Variants in DDX5 observed in about 807,000 individuals in gnomAD.
DDX5 encodes the protein DEAD-box helicase 5.
Under a neutral mutation model 68.6 loss-of-function variants are expected in DDX5, and 6 were observed. The ratio of observed to expected loss-of-function variants is 0.09; its 90% CI spans 0.05 to 0.17. DDX5 has a LOEUF of 0.17. DDX5 is among the 10% of genes least tolerant of loss of function. The pLI, the probability that DDX5 is intolerant of heterozygous loss-of-function variation, is 1.00. For synonymous variants in DDX5, 350 were observed against 247.0 expected (o/e 1.42, Z -3.91); for missense variants, 499 against 756.1 (o/e 0.66, Z 3.99).
At position 64,499,761 on chromosome 17, in the gene DDX5, A is replaced by T; in HGVS notation, c.*162T>A. ...AACCTAAAAATTGTTTCAGGAATGT[A>T]GAGAAATATCCAACTTAAATAGCGA... On this transcript the variant is annotated 3_prime_UTR_variant, in exon 13 of 13. Coordinates refer to ENST00000225792, the MANE Select transcript of DDX5 (RefSeq NM_004396.5). 1.7e-6 allele frequency: 1 copy of T among 596,158 alleles called. No homozygotes were observed. The highest frequency in any genetic ancestry group is 2.6e-6 in the Non-Finnish European group (1 of 379,872). The allele number at this position is 596,158 out of a possible 1,614,324, so 36.9% of individuals were successfully genotyped here.
At position 64,499,986 on chromosome 17, in the gene DDX5, T is replaced by C. The variant is rs919597544; in HGVS notation, c.1782A>G (p.Ala594=). 6 of 1,614,008 alleles carry C rather than the reference T, an allele frequency of 3.7e-6. No homozygotes were observed. The highest frequency in any genetic ancestry group is 5.1e-6 in the Non-Finnish European group (6 of 1,179,910). The change falls in exon 13 of 13, where the codon GCA becomes GCG. Residue 594 remains alanine (A), a synonymous_variant. Transcript: ENST00000225792. ...MHNGMNQQAY[A]YPATAAAPMI... The stretch of plus-strand genomic sequence containing the variant: ...TAGGTGCAGCTGCAGTAGCAGGATA[T>C]GCATATGCCTGTTGGTTCATACCAT...
At chr17:64,502,611 CA>C in intron 8 of DDX5, 62 bp from the exon 9 acceptor site, 18 of 1,176,286 alleles carry the variant, frequency 1.5e-5, no homozygotes, top group Non-Finnish European at 2.2e-5. Context: ...TAGGGCCACA[CA>C]TTTATGGTCA....
chr17:64,503,276 C>G lies in DDX5; in HGVS notation c.722G>C (p.Arg241Thr), dbSNP rs1324713910. ...TTCATCAAGGACAAGGTAGGTTGTT[C>G]TTCTCAGATTGGTTTTTCCACACTC... is the stretch of plus-strand genomic sequence containing the variant. ...FLECGKTNLRRTTYLVLDEAD... is the reference protein window; with the variant it reads ...FLECGKTNLRTTTYLVLDEAD... The change falls in exon 7 of 13, where the codon AGA becomes ACA. Residue 241 changes from arginine (R) to threonine (T), a missense_variant. Arg to Thr is a moderately conservative substitution (Grantham distance 71). Around this residue, in one of 5 missense-constraint regions of DDX5, gnomAD observed 141 missense variants for 279.8 expected, o/e 0.50. Coordinates refer to ENST00000225792, the MANE Select transcript of DDX5 (RefSeq NM_004396.5). 1.2e-6 allele frequency: 2 copies of G among 1,614,192 alleles called. No individual in the cohort carries two copies. Among genetic ancestry groups the G allele is most frequent in the Admixed American group, 1.7e-5 (1 of 60,020 alleles).
chr17:64,500,397 G>T, intron 12 of DDX5, 71 bp from the exon 13 acceptor site: 2 of 1,549,066 alleles, frequency 1.3e-6, no homozygotes, highest in Non-Finnish European at 1.7e-6. Flanking sequence ...GAAAGAAACA[G>T]ATCTATTCAT....
chr17:64,505,796 A>C (rs1555672248), intron 1 of DDX5: 1 of 1,535,988 alleles, frequency 6.5e-7, no homozygotes, highest in African/African-American at 1.4e-5. Flanking sequence ...TCATCCGCAC[A>C]ATACGCTCCC....
chr17:64,506,057 G>C lies in DDX5; in HGVS notation c.44+19C>G. On this transcript the variant is annotated intron_variant, in intron 1 of 12. Transcript: ENST00000225792. ...ATCCCCCCACCCGCCAGGCCTGACA[G>C]CTCGGCTCCCAAACTCACCCTCGGT... The C allele has an allele frequency of 1.6e-6, 2 of 1,244,152 alleles. No individual in the cohort carries two copies. Among genetic ancestry groups the C allele is most frequent in the Non-Finnish European group, 2.1e-6 (2 of 936,560 alleles). The allele number at this position is 1,244,152 out of a possible 1,614,324, so 77.1% of individuals were successfully genotyped here. A position where few individuals can be genotyped will look rare whatever the true frequency, so the allele number is the denominator to read the frequency against.
intron 8 of DDX5, 174 bp downstream of exon 8, chr17:64,502,752 C>CTA: frequency 1.3e-6 from 1 of 760,652 alleles, no homozygotes; most frequent in Non-Finnish European, 2.1e-6. Flanking sequence ...TATAGGAAAG[C>CTA]TATAAATGGT....
rs2038441279 is a variant in DDX5 at position 64,505,425 on chromosome 17, G to A, written c.45-583C>T. On this transcript the variant is annotated intron_variant, in intron 1 of 12. Transcript: ENST00000225792. ...ATAACGCAGGAAAAAAGAAAAGGAG[G>A]AGCCGGCGACTACCGGGGGAGGAGT... 13 of 546,450 alleles carry A rather than the reference G, an allele frequency of 2.4e-5. 1 individual carries two copies. The highest frequency in any genetic ancestry group is 3.0e-5 in the East Asian group (1 of 33,316). 33.9% of individuals were successfully genotyped at this position (546,450 alleles called of 1,614,324 possible). A position where few individuals can be genotyped will look rare whatever the true frequency, so the allele number is the denominator to read the frequency against.
rs1187721973 is a variant in DDX5 at position 64,499,120 on chromosome 17, A to T, written c.*803T>A. ...CTCAAGCTTAGCTCCTGGCCATCTT[A>T]AAGGGCTAATGTATGTCTTTCACAG... On this transcript the variant is annotated 3_prime_UTR_variant, in exon 13 of 13. Transcript: ENST00000225792. 6.6e-6 allele frequency among the ~76,000 whole-genome samples: 1 copy of T among 152,210 alleles called. No homozygotes were observed. Among genetic ancestry groups the T allele is most frequent in the Non-Finnish European group, 1.5e-5 (1 of 68,030 alleles).
chr17:64,506,267 A>T lies in DDX5; in HGVS notation c.-148T>A. ...ACACCAGCCGAAGCTGCACTACTAG[A>T]GACCGGTAGAAATGAATGAGGTGCC... On this transcript the variant is annotated 5_prime_UTR_variant, in exon 1 of 13. Coordinates refer to ENST00000225792, the MANE Select transcript of DDX5 (RefSeq NM_004396.5). The T allele has an allele frequency of 6.5e-7, 1 of 1,539,414 alleles. No homozygotes were observed. Among genetic ancestry groups the T allele is most frequent in the Non-Finnish European group, 8.8e-7 (1 of 1,142,722 alleles).
chr17:64,505,626 T>G (rs2144282312), intron 1 of DDX5: 1 of 1,093,276 alleles, frequency 9.1e-7, no homozygotes, highest in East Asian at 2.6e-5. Context: ...TACTCGCGAC[T>G]CAGCCACATG....
chr17:64,499,924 T>C lies in DDX5; in HGVS notation c.1844A>G (p.Ter615=), dbSNP rs782654121. ...ACATTTACATATACTTCTAAAGTCTTATTGGGAATATCCTGTTGGCATTGG... is the reference window on the plus strand; with the variant it reads ...ACATTTACATATACTTCTAAAGTCTCATTGGGAATATCCTGTTGGCATTGG... ...GYPMPTGYSQ[*] The change falls in exon 13 of 13, where the codon TAA becomes TGA. Residue 615 remains the stop codon, a stop_retained_variant. Transcript: ENST00000225792. 3.1e-6 allele frequency: 5 copies of C among 1,588,586 alleles called. No individual in the cohort carries two copies. The highest frequency in any genetic ancestry group is 4.5e-5 in the East Asian group (2 of 44,624).
In DDX5 at chr17:64,502,078, G is replaced by A. The variant is rs782459877; in HGVS notation, c.1157-9C>T. The A allele has an allele frequency of 2.5e-5, 40 of 1,614,008 alleles. No individual in the cohort carries two copies. The highest frequency in any genetic ancestry group is 3.4e-5 in the Non-Finnish European group (40 of 1,180,002). ...TTTTCCATGTTTGAATTCTACAAAG[G>A]AAGGCATATACATGATCAATTATCT... On this transcript the variant is annotated splice_polypyrimidine_tract_variant and intron_variant, in intron 10 of 12. Transcript: ENST00000225792.
intron 11 of DDX5, chr17:64,501,765 A>G (rs2038302679): frequency 1.7e-6 from 1 of 573,266 alleles, no homozygotes; most frequent in South Asian, 2.2e-5. Flanking sequence ...TGCCTTTTGA[A>G]GATTACTGGC....
chr17:64,505,369 G>A (rs2038435383), intron 1 of DDX5: 2 of 442,590 alleles, frequency 4.5e-6, no homozygotes, highest in African/African-American at 2.0e-5. Flanking sequence ...GAACGCCGCG[G>A]TAGAGCTCCG....
rs1555672475 is a variant in DDX5, at chr17:64,506,088, C to G, written c.32G>C (p.Gly11Ala). The G allele has an allele frequency of 6.2e-7, 1 of 1,609,240 alleles. No homozygotes were observed. Among genetic ancestry groups the G allele is most frequent in the Admixed American group, 1.7e-5 (1 of 59,428 alleles). Residue 11 changes from glycine (G) to alanine (A), a missense_variant, in exon 1 of 13, where the codon GGC (glycine) becomes GCC (alanine). Transcript: ENST00000225792. MSGYSSDRDR[G>A]RDRGFGAPRF... is the part of the protein sequence containing the mutation. ...CTCCCAAACTCACCCTCGGTCCCGG[C>G]CGCGGTCTCGGTCACTCGAATAACC...
In DDX5 at chr17:64,503,444, C is replaced by T. The variant is rs782505610; in HGVS notation, c.635G>A (p.Arg212His). 1.1e-5 allele frequency: 18 copies of T among 1,614,066 alleles called. No homozygotes were observed. Among genetic ancestry groups the T allele is most frequent in the Admixed American group, 8.3e-5 (5 of 60,002 alleles). Reference protein sequence around the residue: ...YGGAPKGPQIRDLERGVEICI... With the variant: ...YGGAPKGPQIHDLERGVEICI... ...TCATTACATACCTCTCTCCAAATCA[C>T]GTATTTGTGGTCCCTTAGGAGCACC... The change falls in exon 6 of 13, where the codon CGT becomes CAT. Residue 212 changes from arginine to histidine, a missense_variant. Transcript: ENST00000225792.
rs2038371214 is a variant in DDX5 at position 64,504,331 on chromosome 17, T to C, written c.211-13A>G. The stretch of plus-strand genomic sequence containing the variant: ...TTTCCACCTCTTGCTGCAAAACAAA[T>C]TATAACAGTCTTAAAATTCATGACA... On this transcript the variant is annotated splice_polypyrimidine_tract_variant and intron_variant, in intron 2 of 12. Coordinates refer to ENST00000225792, the MANE Select transcript of DDX5 (RefSeq NM_004396.5). 1 of 1,606,986 alleles carries C rather than the reference T, an allele frequency of 6.2e-7. No individual in the cohort carries two copies. Among genetic ancestry groups the C allele is most frequent in the Admixed American group, 1.7e-5 (1 of 59,964 alleles).
In DDX5 at chr17:64,498,260, G is replaced by GA. The variant is rs2038205129; in HGVS notation, c.*1662dup. ...AATAAATAAAAAGAGAGAATGGGGA[G>GA]AAAAATCACATTTATTAGTTAAGAC... On this transcript the variant is annotated 3_prime_UTR_variant, in exon 13 of 13. Coordinates refer to ENST00000225792, the MANE Select transcript of DDX5 (RefSeq NM_004396.5). Among the ~76,000 whole-genome samples the GA allele has an allele frequency of 1.3e-5, 2 of 152,150 alleles. No individual in the cohort carries two copies. The highest frequency in any genetic ancestry group is 4.1e-4 in the South Asian group (2 of 4,834).
Sources: gnomAD v4.1 joint callset for allele counts (sites outside exome capture counted in the v4.1 genomes callset) on GRCh38, gnomAD v4.1.1 for gene constraint, gnomAD v4.1.1 regional missense constraint, MANE v1.5 for transcripts, NCBI Gene and HGNC (gene_info 2026-07-23, HGNC 2026-07-21) for gene names.